CFAP61: variants seen among roughly 807,000 people sequenced by gnomAD.
CFAP61 encodes cilia and flagella associated protein 61, also known as cilia- and flagella-associated protein 61.
In CFAP61, 107 loss-of-function variants were observed where a neutral mutation model predicts 135.6. That is an observed-to-expected ratio of 0.79 (90% CI 0.67 to 0.93). The LOEUF (loss-of-function observed/expected upper bound fraction) is 0.93. Among genes scored for constraint, CFAP61 ranks in the 40% least tolerant of loss-of-function variants. The probability of loss-of-function intolerance (pLI) is 0.00; values close to 1 mark genes in which losing one functional copy is unlikely to be tolerated. For synonymous variants in CFAP61, 575 were observed against 578.5 expected (o/e 0.99, Z 0.09); for missense variants, 1,507 against 1,556.2 (o/e 0.97, Z 0.53).
chr20:20,176,992 C>G (rs994796521), intron 13 of CFAP61, among the ~76,000 whole-genome samples: 8 of 151,842 alleles, frequency 5.3e-5, no homozygotes, highest in African/African-American at 1.7e-4. Context: ...ATATTTATTT[C>G]TTTTTCTAGA....
chr20:20,262,840 TA>T, intron 20 of CFAP61, 115 bp from the exon 21 acceptor site: 1 of 456,972 alleles, frequency 2.2e-6, no homozygotes, highest in Non-Finnish European at 3.7e-6. Flanking sequence ...TGATTGATTG[TA>T]TCTCGGGACA....
At chr20:20,128,674 C>T (rs1215421480) in intron 8 of CFAP61, among the ~76,000 whole-genome samples, 1 of 151,710 alleles carries the variant, frequency 6.6e-6, no homozygotes, top group Non-Finnish European at 1.5e-5. Flanking sequence ...TTTATCCATC[C>T]GAGTTGAAGC....
intron 3 of CFAP61, among the ~76,000 whole-genome samples, chr20:20,073,445 C>T (rs183346758): frequency 1.5e-4 from 23 of 152,274 alleles, no homozygotes; most frequent in Admixed American, 3.9e-4. Context: ...GCCACTGGTC[C>T]CACAAAGCTG....
intron 2 of CFAP61, among the ~76,000 whole-genome samples, 179 bp from the exon 3 acceptor site, chr20:20,070,675 C>T (rs976989227): frequency 6.6e-6 from 1 of 152,188 alleles, no homozygotes; most frequent in Non-Finnish European, 1.5e-5. Flanking sequence ...GTTGACAGCA[C>T]CACTTGTCCT....
In CFAP61 at chr20:20,298,335, T is replaced by A. The variant is rs1347465090; in HGVS notation, c.3371T>A (p.Leu1124His). The change falls in exon 25 of 27, where the codon CTC (leucine) becomes CAC (histidine). Residue 1124 changes from leucine to histidine, a missense_variant. By Grantham distance (99) the Leu-to-His change is moderately conservative. Transcript: ENST00000245957. ...IRLFGQHEQL[L>H]NNLCARYDEN... ...TTGTTTGGCCAGCACGAGCAACTCC[T>A]CAACAACCTGTGTGCTCGGTACGAT... 2.5e-6 allele frequency: 4 copies of A among 1,614,024 alleles called. No homozygotes were observed. In the African/African-American group the frequency reaches 5.3e-5, roughly 22 times the overall value.
intron 13 of CFAP61, among the ~76,000 whole-genome samples, chr20:20,173,723 T>TA (rs1385102077): frequency 2.0e-5 from 3 of 152,342 alleles, no homozygotes; most frequent in Non-Finnish European, 2.9e-5. Context: ...AGTAGAATTT[T>TA]TAAAAATGTA....
chr20:20,257,735 G>A (rs2051759571), intron 20 of CFAP61, among the ~76,000 whole-genome samples: 1 of 151,962 alleles, frequency 6.6e-6, no homozygotes, highest in Non-Finnish European at 1.5e-5. Context: ...CTAAATAATT[G>A]TTGTAAATCT....
chr20:20,225,402 C>T (rs1048052584), intron 17 of CFAP61: 1 of 152,166 alleles, frequency 6.6e-6, no homozygotes, highest in Non-Finnish European at 1.5e-5. Context: ...GAGACACCCA[C>T]CATCATTGGT....
chr20:20,223,688 G>T (rs979395846), intron 17 of CFAP61, among the ~76,000 whole-genome samples: 3 of 151,922 alleles, frequency 2.0e-5, no homozygotes, highest in African/African-American at 4.8e-5. Flanking sequence ...ACGGAACTTG[G>T]GTCTATGTAT....
chr20:20,113,420 A>G (rs2048931200), intron 8 of CFAP61, among the ~76,000 whole-genome samples: 1 of 152,290 alleles, frequency 6.6e-6, no homozygotes, highest in Non-Finnish European at 1.5e-5. Context: ...GCTCCATCTA[A>G]TATGTTTAGC....
intron 17 of CFAP61, among the ~76,000 whole-genome samples, chr20:20,224,409 A>G (rs1273290912): frequency 2.0e-5 from 3 of 152,174 alleles, no homozygotes; most frequent in Admixed American, 6.5e-5. Flanking sequence ...ATCAAATACT[A>G]TCATTCCTTC....
At chr20:20,328,355 G>A (rs1411906313) in intron 25 of CFAP61, among the ~76,000 whole-genome samples, 1 of 152,202 alleles carries the variant, frequency 6.6e-6, no homozygotes, top group African/African-American at 2.4e-5. Context: ...TAGAGGCAGT[G>A]TGTGCAAGAC....
At chr20:20,087,295 C>T (rs1374534232) in intron 6 of CFAP61, among the ~76,000 whole-genome samples, 2 of 152,124 alleles carry the variant, frequency 1.3e-5, no homozygotes, top group Non-Finnish European at 1.5e-5. Flanking sequence ...CCTTCTCTCC[C>T]CTCCCTAGAA....
At chr20:20,065,795 G>A (rs1409877690) in intron 2 of CFAP61, among the ~76,000 whole-genome samples, 4 of 152,062 alleles carry the variant, frequency 2.6e-5, no homozygotes, top group Non-Finnish European at 1.5e-5. Flanking sequence ...AATCACCTGC[G>A]TCCAGTGCAA....
chr20:20,304,557 A>G (rs952664982), intron 25 of CFAP61, among the ~76,000 whole-genome samples: 1 of 150,342 alleles, frequency 6.7e-6, no homozygotes, highest in Middle Eastern at 3.4e-3. Flanking sequence ...GGCACTCACA[A>G]TGTACACTCA....
intron 1 of CFAP61, among the ~76,000 whole-genome samples, chr20:20,053,912 T>C (rs544416224): frequency 1.3e-5 from 2 of 152,158 alleles, no homozygotes; most frequent in African/African-American, 4.8e-5. Context: ...TGCTCAAAAG[T>C]ACAAACATGC....
intron 2 of CFAP61, among the ~76,000 whole-genome samples, chr20:20,067,928 A>G (rs964536962): frequency 6.6e-6 from 1 of 151,816 alleles, no homozygotes; most frequent in African/African-American, 2.4e-5. Context: ...ATAATGCTAC[A>G]AAAGTTACTT....
chr20:20,354,585 C>A (rs977757615), intron 26 of CFAP61, among the ~76,000 whole-genome samples: 1 of 151,232 alleles, frequency 6.6e-6, no homozygotes. Flanking sequence ...AAGTTGAATT[C>A]ATAAGGGTAA....
chr20:20,094,023 T>A (rs947474101), intron 7 of CFAP61, among the ~76,000 whole-genome samples: 1 of 152,112 alleles, frequency 6.6e-6, no homozygotes, highest in African/African-American at 2.4e-5. Context: ...CAAGGTGCAG[T>A]CCAGGTGGTG....
Sources: allele counts gnomAD v4.1 joint callset (sites outside exome capture counted in the v4.1 genomes callset), GRCh38; gene constraint gnomAD v4.1.1; transcripts MANE v1.5; gene names NCBI Gene and HGNC (gene_info 2026-07-23, HGNC 2026-07-21).